Variants in PATJ observed in about 807,000 individuals in gnomAD.
The protein encoded by PATJ is PATJ crumbs cell polarity complex component.
In PATJ, 190 loss-of-function variants were observed where a neutral mutation model predicts 224.9. That is an observed-to-expected ratio of 0.84 (90% CI 0.75 to 0.95). The LOEUF (loss-of-function observed/expected upper bound fraction) is 0.95. PATJ is among the 40% of genes least tolerant of loss of function. The pLI, the probability that PATJ is intolerant of heterozygous loss-of-function variation, is 0.00. For synonymous variants in PATJ, 769 were observed against 820.3 expected, an observed-to-expected ratio of 0.94 and a Z score of 1.07; for missense variants, 2,121 against 2,270.3, an observed-to-expected ratio of 0.93 and a Z score of 1.34.
rs937357611 is a variant in PATJ, at chr1:62,086,161, C to G, written c.4377+1513C>G. Among the ~76,000 whole-genome samples the G allele has an allele frequency of 6.6e-6, 1 of 151,712 alleles. No homozygotes were observed. The highest frequency in any genetic ancestry group is 1.5e-5 in the Non-Finnish European group (1 of 67,992). ...TCAATACCTTTTGTTTATCACTGCT[C>G]AGTAGCGCCATTAAAATGAAAACTT... On this transcript the variant is annotated intron_variant, in intron 33 of 43. Transcript: ENST00000642238. The surrounding 1 kb of genome is among the most constrained non-coding windows in gnomAD (Gnocchi z 4.0).
At chr1:61,882,363 G>A (rs1668222802) in intron 21 of PATJ, among the ~76,000 whole-genome samples, 2 of 152,156 alleles carry the variant, frequency 1.3e-5, no homozygotes, top group African/African-American at 4.8e-5. Flanking sequence ...TCTTAAGGAG[G>A]TTATTTGCTA....
At chr1:62,148,897 C>T (rs1248808687) in intron 42 of PATJ, among the ~76,000 whole-genome samples, 2 of 151,988 alleles carry the variant, frequency 1.3e-5, no homozygotes, top group African/African-American at 4.8e-5. Context: ...GAGGCCGAGA[C>T]GGGTGGATCG....
chr1:62,035,506 T>G (rs1650208693), intron 29 of PATJ, among the ~76,000 whole-genome samples: 1 of 152,176 alleles, frequency 6.6e-6, no homozygotes, highest in Admixed American at 6.5e-5. Context: ...TTCCCCAAAG[T>G]CACTCTGTTA....
intron 27 of PATJ, among the ~76,000 whole-genome samples, chr1:61,945,921 A>G (rs1234615075): frequency 2.0e-5 from 3 of 152,136 alleles, no homozygotes; most frequent in Admixed American, 2.0e-4. Context: ...CTCACTCAAA[A>G]CCGCTCAACT....
intron 29 of PATJ, among the ~76,000 whole-genome samples, chr1:62,023,644 G>T (rs1418426440): frequency 6.6e-6 from 1 of 152,122 alleles, no homozygotes; most frequent in African/African-American, 2.4e-5. Context: ...AAGACTCGAA[G>T]GATAAGTAAG....
At chr1:62,134,323 G>A (rs1570746409) in intron 41 of PATJ, among the ~76,000 whole-genome samples, 1 of 120,608 alleles carries the variant, frequency 8.3e-6, no homozygotes, top group African/African-American at 3.3e-5. Flanking sequence ...ATCGCACCCA[G>A]CCCTCTCTTT....
At chr1:61,863,031 T>TC (rs1664865739) in intron 19 of PATJ, among the ~76,000 whole-genome samples, 1 of 130,012 alleles carries the variant, frequency 7.7e-6, no homozygotes, top group African/African-American at 2.8e-5. Context: ...TTTTCAGTTT[T>TC]TTTTTTTTTT....
At chr1:61,853,083 G>A (rs879494595) in intron 17 of PATJ, among the ~76,000 whole-genome samples, 12 of 152,296 alleles carry the variant, frequency 7.9e-5, no homozygotes, top group Admixed American at 5.9e-4. Flanking sequence ...TTAGTGTTTA[G>A]CATAACTAGT....
rs79509233 is a variant in PATJ, at chr1:61,984,786, G to A, written c.3671-5382G>A. Among the ~76,000 whole-genome samples, 1,446 of 152,082 alleles carry A rather than the reference G, an allele frequency of 9.5e-3. 30 individuals are homozygous for A. The highest frequency in any genetic ancestry group is 0.033 in the African/African-American group (1,381 of 41,384). ...TTTTCCTGACAACACACTGAAATAA[G>A]TGGGTAACTTCAGCTACTGGTATTT... is the stretch of plus-strand genomic sequence containing the variant. On this transcript the variant is annotated intron_variant, in intron 27 of 43. Transcript: ENST00000642238.
At chr1:61,998,480 A>G (rs1187467406) in intron 28 of PATJ, among the ~76,000 whole-genome samples, 4 of 151,384 alleles carry the variant, frequency 2.6e-5, no homozygotes, top group African/African-American at 9.7e-5. Flanking sequence ...TCCCACCTCA[A>G]CCTCCCAAAG....
At chr1:62,159,555 CTTTTTTT>C (rs56862738) in intron 43 of PATJ, among the ~76,000 whole-genome samples, 15 of 134,756 alleles carry the variant, frequency 1.1e-4, no homozygotes, top group Admixed American at 3.0e-4. Flanking sequence ...ATTTCGAATA[CTTTTTTT>C]TTTTTTTTTT....
chr1:61,927,182 T>A (rs985711585), intron 26 of PATJ, among the ~76,000 whole-genome samples: 3 of 152,210 alleles, frequency 2.0e-5, no homozygotes, highest in Non-Finnish European at 4.4e-5. Context: ...ATATCTCTTT[T>A]TGAAAATGTT....
chr1:61,913,122 C>G (rs1672936786), intron 25 of PATJ, among the ~76,000 whole-genome samples: 1 of 152,138 alleles, frequency 6.6e-6, no homozygotes, highest in Admixed American at 6.5e-5. Context: ...AAAATTTAAT[C>G]TTAAATTGCA....
intron 22 of PATJ, among the ~76,000 whole-genome samples, chr1:61,895,845 T>G (rs1232875323): frequency 6.6e-6 from 1 of 152,130 alleles, no homozygotes; most frequent in Non-Finnish European, 1.5e-5. Flanking sequence ...CTGGAAAAGC[T>G]GTAGGCACTC....
intron 22 of PATJ, among the ~76,000 whole-genome samples, chr1:61,888,794 G>A (rs1669216266): frequency 1.3e-5 from 2 of 152,188 alleles, no homozygotes; most frequent in South Asian, 4.1e-4. Context: ...AGAGAGGGAA[G>A]ATATACTTTG....
intron 16 of PATJ, among the ~76,000 whole-genome samples, chr1:61,829,482 C>T (rs1190142097): frequency 6.6e-6 from 1 of 152,178 alleles, no homozygotes; most frequent in African/African-American, 2.4e-5. Flanking sequence ...ACTCTCTGCC[C>T]CCGTCTGTCA....
chr1:62,077,923 T>A (rs1658602484), intron 31 of PATJ, among the ~76,000 whole-genome samples: 1 of 152,224 alleles, frequency 6.6e-6, no homozygotes. Flanking sequence ...CTGTCGGGGT[T>A]GTTCATGTGA....
intron 11 of PATJ, among the ~76,000 whole-genome samples, chr1:61,800,408 G>C (rs568172529): frequency 9.9e-5 from 15 of 152,206 alleles, no homozygotes; most frequent in African/African-American, 3.6e-4. Context: ...CATGTCTTTT[G>C]CCCACTTTTT....
In PATJ at chr1:61,765,090, T is replaced by TTTTTC. The variant is rs1557601712; in HGVS notation, c.190-1185_190-1184insCTTTT. Among the ~76,000 whole-genome samples, 12 of 126,592 alleles carry TTTTTC rather than the reference T, an allele frequency of 9.5e-5. 1 individual carries two copies. Among genetic ancestry groups the TTTTTC allele is most frequent in the Non-Finnish European group, 1.6e-4 (10 of 61,016 alleles). 83.0% of individuals were successfully genotyped at this position (126,592 alleles called of 152,430 possible). A position where few individuals can be genotyped will look rare whatever the true frequency, so the allele number is the denominator to read the frequency against. On this transcript the variant is annotated intron_variant, in intron 3 of 43. Coordinates refer to ENST00000642238, the MANE Select transcript of PATJ (RefSeq NM_001350145.3). ...CATTTTTTTTTTTTTTTTTTTTTTT[T>TTTTTC]TTTTTTTTTGAGGCAGAGTATTTGC...
Sources: allele counts gnomAD v4.1 joint callset (sites outside exome capture counted in the v4.1 genomes callset), GRCh38; gene constraint gnomAD v4.1.1; non-coding constraint Gnocchi (gnomAD v3.1); transcripts MANE v1.5; gene names NCBI Gene and HGNC (gene_info 2026-07-23, HGNC 2026-07-21).